The following PALS2 variants were observed in gnomAD, a reference collection of about 807,000 sequenced individuals.
PALS2 encodes the protein protein associated with LIN7 2, MAGUK p55 family member, also known as protein PALS2.
A neutral mutation model predicts 61.6 loss-of-function variants in PALS2; 27 were observed. That is an observed-to-expected ratio of 0.44 (90% CI 0.32 to 0.60). PALS2 has a LOEUF of 0.60. Ranked by LOEUF, PALS2 falls within the 20% of genes least tolerant of loss-of-function variation. The probability of loss-of-function intolerance (pLI) is 0.05; values close to 1 mark genes in which losing one functional copy is unlikely to be tolerated. For missense variants in PALS2, 554 were observed against 639.4 expected (o/e 0.87, Z 1.44); for synonymous variants, 236 against 218.6 (o/e 1.08, Z -0.70).
At chr7:24,656,207 A>G (rs2128082151) in intron 5 of PALS2, among the ~76,000 whole-genome samples, 1 of 152,288 alleles carries the variant, frequency 6.6e-6, no homozygotes, top group East Asian at 1.9e-4. Flanking sequence ...TGTTTAGCCA[A>G]CACATTCCCA....
chr7:24,666,064 G>T lies in PALS2; in HGVS notation c.927G>T (p.Met309Ile). The T allele has an allele frequency of 6.2e-7, 1 of 1,611,706 alleles. No individual in the cohort carries two copies. Among genetic ancestry groups the T allele is most frequent in the Non-Finnish European group, 8.5e-7 (1 of 1,178,590 alleles). The change falls in exon 8 of 12, where the codon ATG becomes ATT. Residue 309 changes from methionine to isoleucine, a missense_variant. By Grantham distance (10) the Met-to-Ile change is conservative. Transcript: ENST00000222644. ...GTISSKKKKK[M>I]MYLTTRNAEF... ...TAAGTAGCAAAAAAAAGAAAAAGAT[G>T]ATGTATCTCACAACCAGAAATGCAG...
At chr7:24,681,812 A>G (rs539140133) in intron 11 of PALS2, among the ~76,000 whole-genome samples, 1 of 152,134 alleles carries the variant, frequency 6.6e-6, no homozygotes, top group African/African-American at 2.4e-5. Flanking sequence ...TACCACTGTC[A>G]CCTTTTCCCC....
intron 9 of PALS2, among the ~76,000 whole-genome samples, chr7:24,672,474 G>T (rs1787349732): frequency 6.6e-6 from 1 of 151,914 alleles, no homozygotes; most frequent in Admixed American, 6.6e-5. Context: ...CAGGTGATCT[G>T]CCTGCCTTAG....
At chr7:24,582,083 A>C (rs1309920567) in intron 1 of PALS2, among the ~76,000 whole-genome samples, 1 of 152,216 alleles carries the variant, frequency 6.6e-6, no homozygotes, top group African/African-American at 2.4e-5. Context: ...TCTGCATATA[A>C]GATCTAGATT....
intron 1 of PALS2, among the ~76,000 whole-genome samples, chr7:24,602,651 G>A (rs1306142424): frequency 6.6e-6 from 1 of 152,122 alleles, no homozygotes; most frequent in Non-Finnish European, 1.5e-5. Flanking sequence ...TTATTTCATT[G>A]TCTTTGGTCG....
At chr7:24,646,129 C>T (rs183019773) in intron 3 of PALS2, among the ~76,000 whole-genome samples, 1 of 152,130 alleles carries the variant, frequency 6.6e-6, no homozygotes, top group Non-Finnish European at 1.5e-5. Flanking sequence ...CTCATCCTAT[C>T]TGGATGCCCT....
chr7:24,581,533 G>C (rs966455612), intron 1 of PALS2, among the ~76,000 whole-genome samples: 1 of 152,154 alleles, frequency 6.6e-6, no homozygotes, highest in African/African-American at 2.4e-5. Flanking sequence ...AAGTCTTTTT[G>C]TCCCATCTTC....
At chr7:24,607,080 A>G (rs1583864899) in intron 1 of PALS2, among the ~76,000 whole-genome samples, 1 of 152,160 alleles carries the variant, frequency 6.6e-6, no homozygotes, top group African/African-American at 2.4e-5. Context: ...AGATTTTTGG[A>G]TTAGAGATGT....
chr7:24,667,549 T>C (rs1423533005), intron 8 of PALS2, among the ~76,000 whole-genome samples: 2 of 152,158 alleles, frequency 1.3e-5, no homozygotes, highest in Non-Finnish European at 2.9e-5. Context: ...TGTAATTTGA[T>C]TATTTATATT....
intron 5 of PALS2, among the ~76,000 whole-genome samples, chr7:24,651,440 A>G (rs1011901760): frequency 2.0e-5 from 3 of 152,116 alleles, no homozygotes; most frequent in Non-Finnish European, 4.4e-5. Context: ...TTTCTCATCT[A>G]TATAGTTAGG....
chr7:24,641,979 G>A (rs1679367489), intron 3 of PALS2, 111 bp downstream of exon 3: 2 of 1,179,044 alleles, frequency 1.7e-6, no homozygotes, highest in African/African-American at 3.1e-5. Flanking sequence ...GGCTATAATA[G>A]GTAAGTATGT....
chr7:24,610,586 G>T (rs1472631495), intron 1 of PALS2, among the ~76,000 whole-genome samples: 2 of 152,146 alleles, frequency 1.3e-5, no homozygotes, highest in African/African-American at 4.8e-5. Flanking sequence ...ATAGCATATT[G>T]TCAGTTTATA....
At chr7:24,661,643 G>C (rs1786727476) in intron 5 of PALS2, among the ~76,000 whole-genome samples, 1 of 152,100 alleles carries the variant, frequency 6.6e-6, no homozygotes, top group South Asian at 2.1e-4. Context: ...TTCTCTGCCT[G>C]ATCTCAAATA....
chr7:24,683,418 A>T (rs372215548), intron 11 of PALS2, among the ~76,000 whole-genome samples: 1 of 152,074 alleles, frequency 6.6e-6, no homozygotes, highest in Non-Finnish European at 1.5e-5. Flanking sequence ...CGTATGTTCA[A>T]ACTTATCTGG....
intron 1 of PALS2, among the ~76,000 whole-genome samples, chr7:24,621,211 A>G (rs991762720): frequency 6.6e-6 from 1 of 151,970 alleles, no homozygotes; most frequent in African/African-American, 2.4e-5. Flanking sequence ...TCAAGTGCAC[A>G]TTGTCCTCTT....
chr7:24,636,444 T>C (rs1785243639), intron 2 of PALS2, among the ~76,000 whole-genome samples: 1 of 152,190 alleles, frequency 6.6e-6, no homozygotes, highest in African/African-American at 2.4e-5. Flanking sequence ...TCTTTTCATA[T>C]GTTTAAGAGA....
intron 1 of PALS2, among the ~76,000 whole-genome samples, chr7:24,619,126 T>C (rs1271579047): frequency 1.3e-5 from 2 of 152,256 alleles, no homozygotes; most frequent in African/African-American, 4.8e-5. Flanking sequence ...TTTTGGTCTT[T>C]CGTGATCCAT....
chr7:24,633,350 G>GTTTT (rs35300093), intron 2 of PALS2, among the ~76,000 whole-genome samples: 7 of 106,252 alleles, frequency 6.6e-5, no homozygotes, highest in Non-Finnish European at 1.2e-4. Context: ...GGTTGGTGGA[G>GTTTT]TTTTTTTTTT....
chr7:24,681,138 A>G (rs1787904811), intron 11 of PALS2, among the ~76,000 whole-genome samples: 1 of 152,098 alleles, frequency 6.6e-6, no homozygotes, highest in South Asian at 2.1e-4. Context: ...GATCATTAAC[A>G]GGCATGTTTA....
Sources: allele counts gnomAD v4.1 joint callset (sites outside exome capture counted in the v4.1 genomes callset), GRCh38; gene constraint gnomAD v4.1.1; transcripts MANE v1.5; gene names NCBI Gene and HGNC (gene_info 2026-07-23, HGNC 2026-07-21).